Variants in GPM6A observed in about 807,000 individuals in gnomAD.
The protein encoded by GPM6A is neuronal membrane glycoprotein M6-a.
Under a neutral mutation model 32.1 loss-of-function variants are expected in GPM6A, and 7 were observed. The observed-to-expected ratio is 0.22, with a 90% CI of 0.12 to 0.41. The LOEUF (loss-of-function observed/expected upper bound fraction) is 0.41. Ranked by LOEUF, GPM6A falls within the 10% of genes least tolerant of loss-of-function variation. The pLI is 1.00. For missense variants in GPM6A, 235 were observed against 347.2 expected (o/e 0.68, Z 2.57); for synonymous variants, 130 against 123.4 (o/e 1.05, Z -0.35).
At chr4:175,709,965 C>T (rs1745440117) in intron 1 of GPM6A, among the ~76,000 whole-genome samples, 1 of 151,814 alleles carries the variant, frequency 6.6e-6, no homozygotes, top group Non-Finnish European at 1.5e-5. Flanking sequence ...GTAGTACATG[C>T]CATTTCTACA....
At chr4:175,730,712 G>A (rs920587970) in intron 1 of GPM6A, among the ~76,000 whole-genome samples, 1 of 152,092 alleles carries the variant, frequency 6.6e-6, no homozygotes, top group Non-Finnish European at 1.5e-5. Context: ...GACCTCAAGT[G>A]ATTCACCCGC....
At chr4:175,648,350 G>A (rs1206185921) in intron 4 of GPM6A, among the ~76,000 whole-genome samples, 1 of 152,114 alleles carries the variant, frequency 6.6e-6, no homozygotes, top group Non-Finnish European at 1.5e-5. Flanking sequence ...ACCTGTGTTG[G>A]AGTAAGCCGT....
intron 1 of GPM6A, among the ~76,000 whole-genome samples, chr4:175,705,574 C>T (rs1193533487): frequency 6.6e-6 from 1 of 152,136 alleles, no homozygotes; most frequent in Non-Finnish European, 1.5e-5. Flanking sequence ...CAGGATCCCA[C>T]GTAGTTGCTG....
chr4:175,947,634 G>C (rs1055793039), intron 1 of GPM6A: 10 of 152,012 alleles, frequency 6.6e-5, no homozygotes, highest in African/African-American at 2.4e-4. Flanking sequence ...AAATGTTCTT[G>C]CATTCATTAC....
intron 1 of GPM6A, among the ~76,000 whole-genome samples, chr4:175,738,647 G>A (rs1280772154): frequency 3.3e-5 from 5 of 151,412 alleles, no homozygotes; most frequent in Non-Finnish European, 7.4e-5. Context: ...GTGATTTAAG[G>A]ATGAAAAAAA....
chr4:175,776,017 C>G (rs989451233), intron 1 of GPM6A, among the ~76,000 whole-genome samples: 1 of 152,016 alleles, frequency 6.6e-6, no homozygotes, highest in East Asian at 1.9e-4. Context: ...TTATAAAAAG[C>G]CAAGGACACA....
At chr4:175,746,224 G>A (rs993572130) in intron 1 of GPM6A, among the ~76,000 whole-genome samples, 30 of 152,018 alleles carry the variant, frequency 2.0e-4, no homozygotes, top group African/African-American at 7.2e-4. Context: ...GAGAGAATTA[G>A]TATGTGATGG....
At chr4:175,867,011 T>C (rs1183363921) in intron 1 of GPM6A, among the ~76,000 whole-genome samples, 1 of 152,222 alleles carries the variant, frequency 6.6e-6, no homozygotes, top group African/African-American at 2.4e-5. Flanking sequence ...ACATGAAGTG[T>C]AGAGCATATT....
chr4:175,939,421 A>T (rs1010850002), intron 1 of GPM6A, among the ~76,000 whole-genome samples: 2 of 152,204 alleles, frequency 1.3e-5, no homozygotes, highest in Non-Finnish European at 2.9e-5. Flanking sequence ...TGTATCTCTT[A>T]AAGCAGTACA....
intron 1 of GPM6A, among the ~76,000 whole-genome samples, chr4:175,795,624 C>T (rs1468114697): frequency 6.6e-6 from 1 of 152,036 alleles, no homozygotes; most frequent in Non-Finnish European, 1.5e-5. Context: ...TGGTGGGACA[C>T]ACCTGTGGTC....
chr4:175,665,320 G>T (rs1742684703), intron 3 of GPM6A, among the ~76,000 whole-genome samples: 2 of 151,946 alleles, frequency 1.3e-5, no homozygotes, highest in Non-Finnish European at 2.9e-5. Context: ...CTATACTAGG[G>T]ACTCCCGAGG....
intron 2 of GPM6A, among the ~76,000 whole-genome samples, chr4:175,685,916 AGTGTGTGT>A (rs56903622): frequency 6.7e-6 from 1 of 149,420 alleles, no homozygotes; most frequent in African/African-American, 2.5e-5. Flanking sequence ...GATCATTAAA[AGTGTGTGT>A]GTGTGTGTGT....
intron 1 of GPM6A, among the ~76,000 whole-genome samples, chr4:175,827,677 C>A (rs906915297): frequency 6.6e-6 from 1 of 152,158 alleles, no homozygotes; most frequent in African/African-American, 2.4e-5. Context: ...TTGGTTTGGT[C>A]CGCATGATGT....
intron 1 of GPM6A, among the ~76,000 whole-genome samples, chr4:175,927,834 G>C (rs1255362137): frequency 6.6e-6 from 1 of 152,176 alleles, no homozygotes; most frequent in Non-Finnish European, 1.5e-5. Context: ...GCAATGAGCT[G>C]AGATCACGCC....
chr4:175,639,992 T>C (rs1199351530), intron 6 of GPM6A, 137 bp downstream of exon 6: 1 of 760,084 alleles, frequency 1.3e-6, no homozygotes, highest in Non-Finnish European at 2.4e-6. Context: ...ACCCATTGTT[T>C]TCCCTACTTT....
chr4:175,934,086 T>C (rs1259191286), intron 1 of GPM6A, among the ~76,000 whole-genome samples: 2 of 152,118 alleles, frequency 1.3e-5, no homozygotes, highest in South Asian at 2.1e-4. Flanking sequence ...CAATCTGTAG[T>C]TGAGGGTTGG....
chr4:175,678,869 T>C (rs1453970654), intron 2 of GPM6A, among the ~76,000 whole-genome samples: 1 of 152,198 alleles, frequency 6.6e-6, no homozygotes, highest in Non-Finnish European at 1.5e-5. Context: ...AGAAAAAAGT[T>C]GAATAAAACA....
intron 1 of GPM6A, among the ~76,000 whole-genome samples, chr4:175,767,175 A>T (rs1317721278): frequency 6.6e-6 from 1 of 152,204 alleles, no homozygotes; most frequent in Non-Finnish European, 1.5e-5. Flanking sequence ...TTCAGTGGGC[A>T]CATCAGTTCT....
chr4:175,717,051 C>T (rs1745875936), intron 1 of GPM6A, among the ~76,000 whole-genome samples: 1 of 152,156 alleles, frequency 6.6e-6, no homozygotes, highest in South Asian at 2.1e-4. Flanking sequence ...TTTACATTAA[C>T]TTACCATTAT....
Sources: allele counts gnomAD v4.1 joint callset (sites outside exome capture counted in the v4.1 genomes callset), GRCh38; gene constraint gnomAD v4.1.1; transcripts MANE v1.5; gene names NCBI Gene and HGNC (gene_info 2026-07-23, HGNC 2026-07-21).